The following KMT2A variants were observed in gnomAD, a reference collection of about 807,000 sequenced individuals.
The protein encoded by KMT2A is histone-lysine N-methyltransferase 2A.
Under a neutral mutation model 345.3 loss-of-function variants are expected in KMT2A, and 16 were observed. That is an observed-to-expected ratio of 0.05 (90% CI 0.03 to 0.07). The LOEUF (loss-of-function observed/expected upper bound fraction) is 0.07, where lower values mean the gene tolerates loss of function less well. Among genes scored for constraint, KMT2A ranks in the 10% least tolerant of loss-of-function variants. The pLI is 1.00. For synonymous variants in KMT2A, 1,599 were observed against 1,778.6 expected, an observed-to-expected ratio of 0.90 and a Z score of 2.54; for missense variants, 3,272 against 4,841.6, an observed-to-expected ratio of 0.68 and a Z score of 9.62.
intron 10 of KMT2A, among the ~76,000 whole-genome samples, chr11:118,485,378 T>C (rs1950210292): frequency 6.6e-6 from 1 of 151,624 alleles, no homozygotes; most frequent in South Asian, 2.1e-4. Context: ...GAAAAAAAAA[T>C]AGGCAAAAGA....
At chr11:118,482,548 A>G in intron 8 of KMT2A, 53 bp downstream of exon 8, 2 of 1,331,118 alleles carry the variant, frequency 1.5e-6, no homozygotes, top group South Asian at 1.2e-5. Flanking sequence ...TCTATTTTGT[A>G]GGGAAAAGCC....
In KMT2A at chr11:118,472,331, C is replaced by A; in HGVS notation, c.1172C>A (p.Ala391Glu). ...KGAQKKIEKEAAQLQGRKVKT... is the reference protein window; with the variant it reads ...KGAQKKIEKEEAQLQGRKVKT... ...GCTCAAAAGAAAATTGAAAAAGAAGCAGCTCAGCTGCAGGGAAGAAAGGTG... is the reference window on the plus strand; with the variant it reads ...GCTCAAAAGAAAATTGAAAAAGAAGAAGCTCAGCTGCAGGGAAGAAAGGTG... Residue 391 changes from alanine (A) to glutamate (E), a missense_variant, in exon 3 of 36, where the codon GCA (alanine) becomes GAA (glutamate). Physicochemically the swap from Ala to Glu is moderately radical, Grantham distance 107 (BLOSUM62 -1). Coordinates refer to ENST00000534358, the MANE Select transcript of KMT2A (RefSeq NM_001197104.2). 6.2e-7 allele frequency: 1 copy of A among 1,614,142 alleles called. No homozygotes were observed. Among genetic ancestry groups the A allele is most frequent in the Non-Finnish European group, 8.5e-7 (1 of 1,180,024 alleles).
At chr11:118,451,578 G>A (rs1001667997) in intron 1 of KMT2A, among the ~76,000 whole-genome samples, 1 of 151,832 alleles carries the variant, frequency 6.6e-6, no homozygotes, top group African/African-American at 2.4e-5. Flanking sequence ...TAGTAGAGAC[G>A]GGGTTTCACC....
Position 118,519,548 on chromosome 11 carries a change from A to T in KMT2A, c.11147-70A>T. 2.1e-6 allele frequency: 3 copies of T among 1,413,190 alleles called. No individual in the cohort carries two copies. In the South Asian group the frequency reaches 3.6e-5, roughly 17 times the overall value. The allele number at this position is 1,413,190 out of a possible 1,614,324, so 87.5% of individuals were successfully genotyped here. On this transcript the variant is annotated intron_variant, in intron 31 of 35. Coordinates refer to ENST00000534358, the MANE Select transcript of KMT2A (RefSeq NM_001197104.2). ...CTGGCAGAGTGACTATAGCATAGGC[A>T]TTTCTGTAGGACCATGCTGTTTCCT... is the stretch of plus-strand genomic sequence containing the variant.
intron 1 of KMT2A, among the ~76,000 whole-genome samples, chr11:118,451,051 T>C (rs1435600217): frequency 6.6e-6 from 1 of 152,176 alleles, no homozygotes; most frequent in Non-Finnish European, 1.5e-5. Context: ...TTCCTAAAAA[T>C]GGCTATCATA....
At chr11:118,489,095 C>T (rs1383969749) in intron 11 of KMT2A, among the ~76,000 whole-genome samples, 5 of 151,822 alleles carry the variant, frequency 3.3e-5, no homozygotes, top group African/African-American at 1.2e-4. Context: ...TGGTGGTGGG[C>T]ACCTGTAGTC....
At chr11:118,444,519 A>G (rs1337196546) in intron 1 of KMT2A, among the ~76,000 whole-genome samples, 1 of 152,196 alleles carries the variant, frequency 6.6e-6, no homozygotes, top group Non-Finnish European at 1.5e-5. Flanking sequence ...TGGGCTCTGG[A>G]TTTAAACTGC....
At position 118,491,183 on chromosome 11, in the gene KMT2A, G is replaced by T. The variant is rs782751175; in HGVS notation, c.4697-13G>T. 6.2e-7 allele frequency: 1 copy of T among 1,612,460 alleles called. No individual in the cohort carries two copies. The highest frequency in any genetic ancestry group is 8.5e-7 in the Non-Finnish European group (1 of 1,179,370). On this transcript the variant is annotated splice_polypyrimidine_tract_variant and intron_variant, in intron 13 of 35. Coordinates refer to ENST00000534358, the MANE Select transcript of KMT2A (RefSeq NM_001197104.2). This position sits in a 1 kb window ranked among gnomAD's most constrained non-coding sequence, Gnocchi z 4.2. ...GAGCCAAAGCACTGCTGTAAACTTT[G>T]CTTTGCTTTCAGGAAACTTCTGCCC... is the stretch of plus-strand genomic sequence containing the variant.
rs1359879182 is a variant in KMT2A, at chr11:118,491,657, T to C, written c.4820-87T>C. On this transcript the variant is annotated intron_variant, in intron 14 of 35. Transcript: ENST00000534358. This position sits in a 1 kb window ranked among gnomAD's most constrained non-coding sequence, Gnocchi z 4.2. Reference sequence around the variant, plus strand: ...TAATGTGGTTCCCAACATATGGCTTTATAGTAAGTTCAGTGGAATAGTTTC... The same window carrying C: ...TAATGTGGTTCCCAACATATGGCTTCATAGTAAGTTCAGTGGAATAGTTTC... 15 of 1,040,914 alleles carry C rather than the reference T, an allele frequency of 1.4e-5. No homozygotes were observed. Among genetic ancestry groups the C allele is most frequent in the East Asian group, 1.2e-4 (5 of 41,546 alleles). The allele number at this position is 1,040,914 out of a possible 1,614,324, so 64.5% of individuals were successfully genotyped here.
At position 118,477,285 on chromosome 11, in the gene KMT2A, G is replaced by A. The variant is rs150508721; in HGVS notation, c.3334+303G>A. On this transcript the variant is annotated intron_variant, in intron 4 of 35. Transcript: ENST00000534358. ...CAGGTGAGAAAGATTTGGCAAAGCT[G>A]TCCAGGAGTCTTTGAGTAAAAGTGG... Among the ~76,000 whole-genome samples, 198 of 152,236 alleles carry A rather than the reference G, an allele frequency of 1.3e-3. 1 individual carries two copies. Among genetic ancestry groups the A allele is most frequent in the African/African-American group, 4.6e-3 (192 of 41,544 alleles).
rs377588214 is a variant in KMT2A, at chr11:118,496,276, G to A, written c.5573G>A (p.Arg1858Gln). Residue 1858 changes from arginine (R) to glutamine (Q), a missense_variant, in exon 20 of 36, where the codon CGA becomes CAA. This residue lies in a region of KMT2A where 235 missense variants were observed against 503.4 expected (regional missense o/e 0.47). Coordinates refer to ENST00000534358, the MANE Select transcript of KMT2A (RefSeq NM_001197104.2). This position sits in a 1 kb window ranked among gnomAD's most constrained non-coding sequence, Gnocchi z 4.7. The part of the protein sequence containing the change: ...TPPILSTDRS[R>Q]EDSPELNPPP... Reference sequence around the variant, plus strand: ...GGATTTCAAGGTACTGATAGGAGTCGAGAAGACAGTCCAGAGCTGAACCCA... The same window carrying A: ...GGATTTCAAGGTACTGATAGGAGTCAAGAAGACAGTCCAGAGCTGAACCCA... The A allele has an allele frequency of 3.5e-5, 56 of 1,613,196 alleles. No individual in the cohort carries two copies. The highest frequency in any genetic ancestry group is 1.6e-4 in the Middle Eastern group (1 of 6,082).
In KMT2A at chr11:118,508,010, T is replaced by C. The variant is rs577511232; in HGVS notation, c.10835+401T>C. Among the ~76,000 whole-genome samples, 24 of 152,340 alleles carry C rather than the reference T, an allele frequency of 1.6e-4. No individual in the cohort carries two copies. In the South Asian group the frequency reaches 4.6e-3, roughly 29 times the overall value. ...TCTTCCTGATTCACATTGATTTTTG[T>C]TTTCTTGCCAAAGTTTTTTAAATGA... On this transcript the variant is annotated intron_variant, in intron 28 of 35. Coordinates refer to ENST00000534358, the MANE Select transcript of KMT2A (RefSeq NM_001197104.2).
chr11:118,440,689 A>G (rs1011751082), intron 1 of KMT2A, among the ~76,000 whole-genome samples: 1 of 152,120 alleles, frequency 6.6e-6, no homozygotes. Context: ...TTTCACTTGA[A>G]ATTGCAGTTT....
chr11:118,502,444 T>C lies in KMT2A; in HGVS notation c.6552T>C (p.Pro2184=), dbSNP rs1555045991. ...TTHEIVTVGD[P]LLSSGLRSIG... is the part of the protein sequence containing the mutation. ...ATGAAATAGTCACAGTAGGTGATCC[T>C]TTACTCTCCTCTGGACTTCGAAGCA... is the stretch of plus-strand genomic sequence containing the variant. Residue 2184 remains proline, a synonymous_variant, in exon 27 of 36, where the codon CCT becomes CCC. Transcript: ENST00000534358. The surrounding 1 kb of genome is among the most constrained non-coding windows in gnomAD (Gnocchi z 4.9). 4 of 1,613,254 alleles carry C rather than the reference T, an allele frequency of 2.5e-6. No homozygotes were observed. The highest frequency in any genetic ancestry group is 2.2e-5 in the South Asian group (2 of 90,966).
chr11:118,444,739 A>C (rs1343632724), intron 1 of KMT2A, among the ~76,000 whole-genome samples: 1 of 151,988 alleles, frequency 6.6e-6, no homozygotes, highest in Non-Finnish European at 1.5e-5. Flanking sequence ...ACACTCAGCT[A>C]ATTGTTTTAT....
intron 1 of KMT2A, among the ~76,000 whole-genome samples, chr11:118,447,236 T>C (rs941627314): frequency 6.6e-6 from 1 of 152,258 alleles, no homozygotes; most frequent in African/African-American, 2.4e-5. Flanking sequence ...TCTGTCTTTG[T>C]CCCATTAGAT....
rs1400723644 is a variant in KMT2A at position 118,481,678 on chromosome 11, A to G, written c.3635-37A>G. On this transcript the variant is annotated intron_variant, in intron 6 of 35. Coordinates refer to ENST00000534358, the MANE Select transcript of KMT2A (RefSeq NM_001197104.2). ...TTCTATTTTAAATAAAATTATTCTC[A>G]CTATAGACAGATGATGTTGTTGTGT... 1.9e-6 allele frequency: 3 copies of G among 1,574,606 alleles called. No homozygotes were observed. In the South Asian group the frequency reaches 3.6e-5, roughly 19 times the overall value.
intron 4 of KMT2A, among the ~76,000 whole-genome samples, chr11:118,477,605 T>C (rs1022180012): frequency 2.1e-5 from 3 of 145,278 alleles, no homozygotes; most frequent in African/African-American, 7.7e-5. Context: ...CTTCCCAGGT[T>C]CAAGCGATTC....
At position 118,491,178 on chromosome 11, in the gene KMT2A, A is replaced by ACTTTG; in HGVS notation, c.4697-8_4697-4dup. 6.2e-7 allele frequency: 1 copy of ACTTTG among 1,612,456 alleles called. No homozygotes were observed. The highest frequency in any genetic ancestry group is 8.5e-7 in the Non-Finnish European group (1 of 1,179,332). The stretch of plus-strand genomic sequence containing the variant: ...TATGTGAGCCAAAGCACTGCTGTAA[A>ACTTTG]CTTTGCTTTGCTTTCAGGAAACTTC... On this transcript the variant is annotated splice_polypyrimidine_tract_variant and intron_variant, in intron 13 of 35. Coordinates refer to ENST00000534358, the MANE Select transcript of KMT2A (RefSeq NM_001197104.2). This position sits in a 1 kb window ranked among gnomAD's most constrained non-coding sequence, Gnocchi z 4.2.
Sources: gnomAD v4.1 joint callset for allele counts (sites outside exome capture counted in the v4.1 genomes callset) on GRCh38, gnomAD v4.1.1 for gene constraint, gnomAD v4.1.1 regional missense constraint, Gnocchi (gnomAD v3.1) non-coding constraint, MANE v1.5 for transcripts, NCBI Gene and HGNC (gene_info 2026-07-23, HGNC 2026-07-21) for gene names.